Variants in ERGIC1 observed in about 807,000 individuals in gnomAD.
ERGIC1 encodes endoplasmic reticulum-golgi intermediate compartment 1.
ERGIC1 carries 19 observed loss-of-function variants against 38.3 expected under a neutral mutation model. That is an observed-to-expected ratio of 0.50 (90% CI 0.35 to 0.73). ERGIC1 has a LOEUF of 0.73. Among genes scored for constraint, ERGIC1 ranks in the 30% least tolerant of loss-of-function variants. The pLI, the probability that ERGIC1 is intolerant of heterozygous loss-of-function variation, is 0.01. For missense variants in ERGIC1, 294 were observed against 389.2 expected (o/e 0.76, Z 2.06); for synonymous variants, 124 against 157.6 (o/e 0.79, Z 1.60).
chr5:172,886,152 C>CCCTAGCCA (rs1762412186), intron 1 of ERGIC1, among the ~76,000 whole-genome samples: 1 of 152,092 alleles, frequency 6.6e-6, no homozygotes, highest in South Asian at 2.1e-4. Flanking sequence ...GTGTGAGACT[C>CCCTAGCCA]CCTAGCCACA....
chr5:172,863,375 T>C (rs1403198356), intron 1 of ERGIC1, among the ~76,000 whole-genome samples: 3 of 152,250 alleles, frequency 2.0e-5, no homozygotes, highest in Non-Finnish European at 4.4e-5. Flanking sequence ...TCACTTCTTC[T>C]GTGGGTGATT....
At chr5:172,861,340 C>G (rs564493012) in intron 1 of ERGIC1, among the ~76,000 whole-genome samples, 2 of 152,212 alleles carry the variant, frequency 1.3e-5, no homozygotes, top group African/African-American at 4.8e-5. Context: ...GTCAGACCCA[C>G]GTGTTCTCTT....
chr5:172,856,892 C>T (rs1262608476), intron 1 of ERGIC1, among the ~76,000 whole-genome samples: 1 of 152,170 alleles, frequency 6.6e-6, no homozygotes, highest in Non-Finnish European at 1.5e-5. Flanking sequence ...TAATCTGCCT[C>T]ACGGTTGTGT....
At chr5:172,913,732 A>C (rs781077516) in intron 4 of ERGIC1, among the ~76,000 whole-genome samples, 2 of 152,198 alleles carry the variant, frequency 1.3e-5, no homozygotes, top group South Asian at 4.1e-4. Flanking sequence ...TGCAGTTGGC[A>C]TTGGCCTGCC....
chr5:172,939,233 G>A (rs1763954806), intron 9 of ERGIC1, among the ~76,000 whole-genome samples: 1 of 152,228 alleles, frequency 6.6e-6, no homozygotes, highest in African/African-American at 2.4e-5. Flanking sequence ...TGCTGGAGGG[G>A]CAGATGAGTG....
chr5:172,909,819 G>T (rs1763162800), intron 4 of ERGIC1, 58 bp downstream of exon 4: 1 of 1,471,216 alleles, frequency 6.8e-7, no homozygotes, highest in African/African-American at 1.4e-5. Context: ...GCAAATGTGT[G>T]TGTGCAGAAA....
intron 5 of ERGIC1, chr5:172,921,634 C>T (rs1763522124): frequency 6.6e-6 from 1 of 152,282 alleles, no homozygotes; most frequent in South Asian, 2.1e-4. Flanking sequence ...AAGGTAACCC[C>T]CGAGTTTTTC....
At position 172,927,323 on chromosome 5, in the gene ERGIC1, C is replaced by T. The variant is rs187663922; in HGVS notation, c.541+754C>T. On this transcript the variant is annotated intron_variant, in intron 7 of 9. Transcript: ENST00000393784. ...TCTTTTCTTATTATTTCCTGAAATGCGTTTGCTCTCCCATTGTCAGGGATC... is the reference window on the plus strand; with the variant it reads ...TCTTTTCTTATTATTTCCTGAAATGTGTTTGCTCTCCCATTGTCAGGGATC... Among the ~76,000 whole-genome samples, 470 of 152,284 alleles carry T rather than the reference C, an allele frequency of 3.1e-3. 3 individuals are homozygous for T. The highest frequency in any genetic ancestry group is 0.011 in the African/African-American group (443 of 41,562).
chr5:172,924,242 G>C, intron 6 of ERGIC1, 133 bp downstream of exon 6: 1 of 848,404 alleles, frequency 1.2e-6, no homozygotes, highest in Admixed American at 2.1e-5. Flanking sequence ...GCCTGGAAGG[G>C]TAAGAAGGGT....
chr5:172,896,521 T>C (rs1301522119), intron 2 of ERGIC1, among the ~76,000 whole-genome samples: 1 of 151,362 alleles, frequency 6.6e-6, no homozygotes, highest in East Asian at 1.9e-4. Flanking sequence ...CAGAAGGGAG[T>C]GGTGGGGCCT....
intron 1 of ERGIC1, among the ~76,000 whole-genome samples, chr5:172,871,713 C>T (rs1415452545): frequency 6.6e-6 from 1 of 152,082 alleles, no homozygotes; most frequent in Non-Finnish European, 1.5e-5. Flanking sequence ...ACAGATGGCA[C>T]CAAGCTGGAA....
At chr5:172,859,367 C>T (rs921940416) in intron 1 of ERGIC1, among the ~76,000 whole-genome samples, 20 of 151,980 alleles carry the variant, frequency 1.3e-4, no homozygotes, top group African/African-American at 4.8e-4. Flanking sequence ...TGGGGCATGT[C>T]CCACCCACCC....
chr5:172,927,684 A>G (rs1406589526), intron 7 of ERGIC1, among the ~76,000 whole-genome samples: 1 of 151,170 alleles, frequency 6.6e-6, no homozygotes, highest in African/African-American at 2.4e-5. Context: ...GGTTCAAGCA[A>G]TTCTCCTGTC....
At chr5:172,847,930 C>A (rs1761317910) in intron 1 of ERGIC1, among the ~76,000 whole-genome samples, 1 of 152,240 alleles carries the variant, frequency 6.6e-6, no homozygotes, top group Non-Finnish European at 1.5e-5. Context: ...ATAGCTCCTG[C>A]TGTAAATTGA....
At chr5:172,844,779 C>T (rs1761243792) in intron 1 of ERGIC1, among the ~76,000 whole-genome samples, 1 of 152,210 alleles carries the variant, frequency 6.6e-6, no homozygotes, top group Non-Finnish European at 1.5e-5. Flanking sequence ...GCCATTGGAC[C>T]TGCTGTCCTC....
At chr5:172,905,995 C>T in intron 3 of ERGIC1, 1 of 452,380 alleles carries the variant, frequency 2.2e-6, no homozygotes. Context: ...AGTTAGAAGC[C>T]CGGTGTTTAA....
At position 172,834,678 on chromosome 5, in the gene ERGIC1, C is replaced by T. The variant is rs1760991317; in HGVS notation, c.20+245C>T. 2.0e-5 allele frequency among the ~76,000 whole-genome samples: 3 copies of T among 151,896 alleles called. No homozygotes were observed. Among genetic ancestry groups the T allele is most frequent in the Admixed American group, 1.3e-4 (2 of 15,282 alleles). ...CACCTTCCCTCCGCCGAGCCCCCTC[C>T]CCAGCCTGCCCGGATACCTTGCATT... On this transcript the variant is annotated intron_variant, in intron 1 of 9. Coordinates refer to ENST00000393784, the MANE Select transcript of ERGIC1 (RefSeq NM_001031711.3). The surrounding 1 kb of genome is among the most constrained non-coding windows in gnomAD (Gnocchi z 4.1).
chr5:172,870,847 TG>T (rs1761987287), intron 1 of ERGIC1, among the ~76,000 whole-genome samples: 2 of 152,186 alleles, frequency 1.3e-5, no homozygotes, highest in Admixed American at 6.5e-5. Context: ...CGAGGGTACT[TG>T]CCTGCACAGC....
intron 9 of ERGIC1, among the ~76,000 whole-genome samples, chr5:172,947,908 G>GTT (rs1471132688): frequency 1.3e-5 from 2 of 151,768 alleles, no homozygotes; most frequent in Non-Finnish European, 2.9e-5. Flanking sequence ...GTGTGTGTGT[G>GTT]TGTGGTTATT....
Sources: allele counts gnomAD v4.1 joint callset (sites outside exome capture counted in the v4.1 genomes callset), GRCh38; gene constraint gnomAD v4.1.1; non-coding constraint Gnocchi (gnomAD v3.1); transcripts MANE v1.5; gene names NCBI Gene and HGNC (gene_info 2026-07-23, HGNC 2026-07-21).